SERPINI1: variants seen among roughly 807,000 people sequenced by gnomAD.
SERPINI1 encodes serpin family I member 1, also known as neuroserpin.
SERPINI1 carries 19 observed loss-of-function variants against 41.1 expected under a neutral mutation model. That is an observed-to-expected ratio of 0.46 (90% CI 0.32 to 0.68). The LOEUF (loss-of-function observed/expected upper bound fraction) is 0.68, where lower values mean the gene tolerates loss of function less well. Ranked by LOEUF, SERPINI1 falls within the 30% of genes least tolerant of loss-of-function variation. The probability of loss-of-function intolerance (pLI) is 0.03; values close to 1 mark genes in which losing one functional copy is unlikely to be tolerated. For missense variants in SERPINI1, 460 were observed against 479.2 expected, an observed-to-expected ratio of 0.96 and a Z score of 0.37; for synonymous variants, 138 against 156.6, an observed-to-expected ratio of 0.88 and a Z score of 0.89.
At chr3:167,804,903 G>C (rs1044963223) in intron 5 of SERPINI1, among the ~76,000 whole-genome samples, 2 of 152,240 alleles carry the variant, frequency 1.3e-5, no homozygotes, top group African/African-American at 4.8e-5. Context: ...TCACAAGAAA[G>C]TTTGGTGATA....
chr3:167,793,614 A>C (rs75260878), intron 4 of SERPINI1, among the ~76,000 whole-genome samples: 17,105 of 145,582 alleles, frequency 0.12, 1,236 homozygotes, highest in African/African-American at 0.19. Context: ...TTAGCTAGGC[A>C]TAATGGTACA....
At chr3:167,804,176 T>G (rs949551127) in intron 5 of SERPINI1, among the ~76,000 whole-genome samples, 1 of 152,320 alleles carries the variant, frequency 6.6e-6, no homozygotes, top group East Asian at 1.9e-4. Flanking sequence ...CAAGTCAAAG[T>G]GCAAAATTTA....
chr3:167,793,596 A>ATATATTTTTT lies in SERPINI1; in HGVS notation c.676+813_676+814insATATTTTTTT. Reference sequence around the variant, plus strand: ...TACAAATATATATATATATATATATATTTTTAATTAGCTAGGCATAATGGT... The same window carrying ATATATTTTTT: ...TACAAATATATATATATATATATATATATATTTTTTTTTTTAATTAGCTAGGCATAATGGT... On this transcript the variant is annotated intron_variant, in intron 4 of 8. Transcript: ENST00000446050. 5.7e-3 allele frequency among the ~76,000 whole-genome samples: 798 copies of ATATATTTTTT among 140,572 alleles called. 17 individuals carry two copies. Among genetic ancestry groups the ATATATTTTTT allele is most frequent in the Admixed American group, 0.032 (458 of 14,114 alleles). 92.2% of individuals were successfully genotyped at this position (140,572 alleles called of 152,430 possible).
chr3:167,814,541 C>T (rs762800104), intron 6 of SERPINI1, among the ~76,000 whole-genome samples: 2 of 152,106 alleles, frequency 1.3e-5, no homozygotes, highest in African/African-American at 2.4e-5. Flanking sequence ...CCGTTCATGA[C>T]GCAGAAATCT....
chr3:167,799,436 C>G (rs1727829114), intron 5 of SERPINI1, among the ~76,000 whole-genome samples: 1 of 152,208 alleles, frequency 6.6e-6, no homozygotes, highest in Non-Finnish European at 1.5e-5. Flanking sequence ...TTTATCCAGT[C>G]TATCACTGAT....
At chr3:167,747,513 G>A (rs868828473) in intron 1 of SERPINI1, among the ~76,000 whole-genome samples, 1 of 152,068 alleles carries the variant, frequency 6.6e-6, no homozygotes, top group African/African-American at 2.4e-5. Flanking sequence ...GCGTGGCAGC[G>A]GGCGCCTGTG....
chr3:167,755,690 T>C (rs968446441), intron 1 of SERPINI1, among the ~76,000 whole-genome samples: 1 of 152,196 alleles, frequency 6.6e-6, no homozygotes, highest in Non-Finnish European at 1.5e-5. Flanking sequence ...CATTTGTTTT[T>C]CACTTTCTTC....
intron 3 of SERPINI1, among the ~76,000 whole-genome samples, chr3:167,791,721 A>G (rs1158157430): frequency 1.3e-5 from 2 of 152,248 alleles, no homozygotes; most frequent in Admixed American, 1.3e-4. Context: ...ACTGGCTTTC[A>G]TTCATCTGTT....
intron 5 of SERPINI1, among the ~76,000 whole-genome samples, chr3:167,797,267 T>C (rs940815515): frequency 6.6e-6 from 1 of 152,212 alleles, no homozygotes; most frequent in Non-Finnish European, 1.5e-5. Context: ...ATGGATAGAT[T>C]GGAAGAATTT....
rs575054881 is a variant in SERPINI1 at position 167,743,759 on chromosome 3, A to G, written c.-19+7936A>G. Among the ~76,000 whole-genome samples the G allele has an allele frequency of 7.9e-5, 12 of 152,236 alleles. No individual in the cohort carries two copies. In the South Asian group the frequency reaches 2.1e-3, roughly 26 times the overall value. On this transcript the variant is annotated intron_variant, in intron 1 of 8. Transcript: ENST00000446050. ...CATTGGAAGACACATTTACATTACAACAAGGATATATGACTTAAGGCTATG... is the reference window on the plus strand; with the variant it reads ...CATTGGAAGACACATTTACATTACAGCAAGGATATATGACTTAAGGCTATG...
intron 1 of SERPINI1, among the ~76,000 whole-genome samples, chr3:167,742,931 G>A (rs1362346657): frequency 6.6e-6 from 1 of 151,706 alleles, no homozygotes; most frequent in East Asian, 1.9e-4. Context: ...AAGTCCCTGA[G>A]CAAAGGCATT....
At chr3:167,780,640 A>G (rs1021744413) in intron 1 of SERPINI1, among the ~76,000 whole-genome samples, 2 of 152,078 alleles carry the variant, frequency 1.3e-5, no homozygotes, top group Non-Finnish European at 2.9e-5. Flanking sequence ...AAAACATTTA[A>G]TTGTTATTTT....
At chr3:167,795,948 C>T (rs775975131) in intron 5 of SERPINI1, among the ~76,000 whole-genome samples, 22 of 152,056 alleles carry the variant, frequency 1.4e-4, no homozygotes, top group Non-Finnish European at 2.2e-4. Context: ...TAAATATATA[C>T]GTATGTATGT....
chr3:167,760,321 C>T (rs1036100281), intron 1 of SERPINI1, among the ~76,000 whole-genome samples: 1 of 151,034 alleles, frequency 6.6e-6, no homozygotes, highest in Admixed American at 6.6e-5. Flanking sequence ...AAAGAAGTGC[C>T]TGCTGCCAGC....
At chr3:167,797,110 A>G (rs6772778) in intron 5 of SERPINI1, among the ~76,000 whole-genome samples, 47,224 of 151,812 alleles carry the variant, frequency 0.31, 7,580 homozygotes, top group African/African-American at 0.37. Context: ...TCTAATGTTC[A>G]GTGATGTTGA....
intron 1 of SERPINI1, among the ~76,000 whole-genome samples, chr3:167,774,267 C>T (rs1458331335): frequency 6.6e-6 from 1 of 152,114 alleles, no homozygotes; most frequent in Admixed American, 6.6e-5. Flanking sequence ...ATAAAAATGA[C>T]AATTTCATGA....
At chr3:167,808,536 C>T (rs1711743130) in intron 6 of SERPINI1, among the ~76,000 whole-genome samples, 1 of 152,116 alleles carries the variant, frequency 6.6e-6, no homozygotes, top group African/African-American at 2.4e-5. Context: ...AGAAACTCAA[C>T]ATGTAAGGCC....
rs775874977 is a variant in SERPINI1 at position 167,825,266 on chromosome 3, A to T, written c.1176A>T (p.Gly392=). 3 of 1,613,052 alleles carry T rather than the reference A, an allele frequency of 1.9e-6. No homozygotes were observed. In the South Asian group the frequency reaches 3.3e-5, roughly 18 times the overall value. ...ATACAGGTACAATTCTATTCATGGG[A>T]CGAGTCATGCATCCTGAAACAATGA... The part of the protein sequence containing the change: ...NRRTGTILFM[G]RVMHPETMNT... Residue 392 remains glycine, a synonymous_variant, in exon 9 of 9, where the codon GGA becomes GGT. Coordinates refer to ENST00000446050, the MANE Select transcript of SERPINI1 (RefSeq NM_001122752.2).
intron 5 of SERPINI1, among the ~76,000 whole-genome samples, chr3:167,806,740 G>A (rs1418505263): frequency 6.6e-6 from 1 of 151,924 alleles, no homozygotes; most frequent in Non-Finnish European, 1.5e-5. Flanking sequence ...CTTGTCCATG[G>A]CATTGATGTG....
Sources: allele counts gnomAD v4.1 joint callset (sites outside exome capture counted in the v4.1 genomes callset), GRCh38; gene constraint gnomAD v4.1.1; transcripts MANE v1.5; gene names NCBI Gene and HGNC (gene_info 2026-07-23, HGNC 2026-07-21).